SLC25A12: variants seen among roughly 807,000 people sequenced by gnomAD.
The protein encoded by SLC25A12 is electrogenic aspartate/glutamate antiporter SLC25A12, mitochondrial.
A neutral mutation model predicts 83.3 loss-of-function variants in SLC25A12; 32 were observed. The observed-to-expected ratio is 0.38, with a 90% CI of 0.29 to 0.52. SLC25A12 has a LOEUF of 0.52. Among genes scored for constraint, SLC25A12 ranks in the 20% least tolerant of loss-of-function variants. The pLI is 0.84. For synonymous variants in SLC25A12, 267 were observed against 291.1 expected, an observed-to-expected ratio of 0.92 and a Z score of 0.84; for missense variants, 611 against 835.6, an observed-to-expected ratio of 0.73 and a Z score of 3.31.
At chr2:171,857,483 A>G (rs1444155792) in intron 3 of SLC25A12, among the ~76,000 whole-genome samples, 2 of 152,142 alleles carry the variant, frequency 1.3e-5, no homozygotes, top group Non-Finnish European at 2.9e-5. Context: ...TCAGGAGTTC[A>G]AGAGCAGCTT....
At chr2:171,787,313 T>C (rs867626090) in intron 17 of SLC25A12, among the ~76,000 whole-genome samples, 1 of 152,136 alleles carries the variant, frequency 6.6e-6, no homozygotes, top group African/African-American at 2.4e-5. Context: ...CAACAGAGGA[T>C]ATCCTGTCTT....
intron 2 of SLC25A12, among the ~76,000 whole-genome samples, chr2:171,889,404 A>C (rs1685886241): frequency 1.3e-5 from 2 of 152,096 alleles, no homozygotes; most frequent in Non-Finnish European, 1.5e-5. Context: ...CTTGCTTTTC[A>C]TTTCCCCAGC....
chr2:171,788,433 C>G (rs1025362914), intron 15 of SLC25A12: 23 of 172,750 alleles, frequency 1.3e-4, no homozygotes, highest in Non-Finnish European at 1.4e-4. Flanking sequence ...TAATCACTCG[C>G]TTGTTTGAAG....
intron 2 of SLC25A12, among the ~76,000 whole-genome samples, chr2:171,876,550 G>GC (rs1558941972): frequency 3.5e-5 from 5 of 141,844 alleles, no homozygotes; most frequent in Non-Finnish European, 7.8e-5. Context: ...TTTTGGGGGG[G>GC]GGGGGACTCA....
At chr2:171,853,053 C>G (rs367612318) in intron 4 of SLC25A12, among the ~76,000 whole-genome samples, 2 of 152,148 alleles carry the variant, frequency 1.3e-5, no homozygotes, top group South Asian at 4.1e-4. Context: ...GACTGGGTAT[C>G]ACTATGTTGT....
intron 13 of SLC25A12, among the ~76,000 whole-genome samples, chr2:171,807,447 T>C (rs1683857136): frequency 6.6e-6 from 1 of 152,202 alleles, no homozygotes; most frequent in Non-Finnish European, 1.5e-5. Flanking sequence ...GTTTAACCAC[T>C]TAGGTCACAT....
At chr2:171,787,701 G>A in intron 16 of SLC25A12, 40 bp from the exon 17 acceptor site, 1 of 1,609,030 alleles carries the variant, frequency 6.2e-7, no homozygotes, top group Middle Eastern at 1.7e-4. Flanking sequence ...CTTGAAACCA[G>A]GACAAATGTG....
intron 3 of SLC25A12, among the ~76,000 whole-genome samples, chr2:171,860,778 T>C (rs1478792307): frequency 6.6e-6 from 1 of 151,680 alleles, no homozygotes; most frequent in Non-Finnish European, 1.5e-5. Flanking sequence ...GCAAGAATAG[T>C]CAGATGTTAA....
chr2:171,785,574 A>G, intron 17 of SLC25A12, 99 bp from the exon 18 acceptor site: 1 of 1,055,796 alleles, frequency 9.5e-7, no homozygotes, highest in South Asian at 1.3e-5. Flanking sequence ...CACAAAGAAG[A>G]ATGTTTCTCT....
At position 171,857,494 on chromosome 2, in the gene SLC25A12, A is replaced by G. The variant is rs181104812; in HGVS notation, c.210-1545T>C. On this transcript the variant is annotated intron_variant, in intron 3 of 17. Coordinates refer to ENST00000422440, the MANE Select transcript of SLC25A12 (RefSeq NM_003705.5). ...GAGCTCAGGAGTTCAAGAGCAGCTT[A>G]GGCAATATGGTGAAACCCCATCTCT... Among the ~76,000 whole-genome samples the G allele has an allele frequency of 7.2e-5, 11 of 152,236 alleles. No homozygotes were observed. In the East Asian group the frequency reaches 2.1e-3, roughly 29 times the overall value.
chr2:171,875,088 C>G lies in SLC25A12; in HGVS notation c.67-6265G>C, dbSNP rs148985226. ...CCTCTGATTGGTTGCTTTCCGCAACCAATCAGATGTTTGTACGGGAGTGTG... is the reference window on the plus strand; with the variant it reads ...CCTCTGATTGGTTGCTTTCCGCAACGAATCAGATGTTTGTACGGGAGTGTG... On this transcript the variant is annotated intron_variant, in intron 2 of 17. Transcript: ENST00000422440. 3.5e-4 allele frequency among the ~76,000 whole-genome samples: 54 copies of G among 152,208 alleles called. 1 individual carries two copies. In the East Asian group the frequency reaches 0.01, roughly 29 times the overall value.
chr2:171,824,665 C>A lies in SLC25A12; in HGVS notation c.930+2133G>T, dbSNP rs1204330946. ...AAGAGCTCTTTAAATATTTCAATGT[C>A]TCTTAATTTTATTAAAAATTTTTCA... is the stretch of plus-strand genomic sequence containing the variant. On this transcript the variant is annotated intron_variant, in intron 9 of 17. Transcript: ENST00000422440. Among the ~76,000 whole-genome samples the A allele has an allele frequency of 2.7e-5, 4 of 148,904 alleles. No homozygotes were observed. The East Asian group carries it at 8.5e-4, about 32-fold the overall frequency.
At chr2:171,862,515 T>C (rs1203453337) in intron 3 of SLC25A12, among the ~76,000 whole-genome samples, 2 of 152,158 alleles carry the variant, frequency 1.3e-5, no homozygotes, top group Non-Finnish European at 2.9e-5. Context: ...CTCCTACTTA[T>C]TTTACTATCT....
rs113376940 is a variant in SLC25A12 at position 171,848,059 on chromosome 2, A to G, written c.326-3551T>C. The G allele has an allele frequency of 7.0e-3, 2,735 of 392,196 alleles. 25 individuals carry two copies. The highest frequency in any genetic ancestry group is 0.011 in the Non-Finnish European group (1,990 of 189,168). The allele number at this position is 392,196 out of a possible 1,614,324, so 24.3% of individuals were successfully genotyped here. On this transcript the variant is annotated intron_variant, in intron 4 of 17. Coordinates refer to ENST00000422440, the MANE Select transcript of SLC25A12 (RefSeq NM_003705.5). ...GTAAATATGTCTTAACAGAGGTTTTAATTTCCCCAGAAACCCATACTGTGT... is the reference window on the plus strand; with the variant it reads ...GTAAATATGTCTTAACAGAGGTTTTGATTTCCCCAGAAACCCATACTGTGT...
chr2:171,810,376 C>G (rs1389681930), intron 11 of SLC25A12, 100 bp from the exon 12 acceptor site: 1 of 934,530 alleles, frequency 1.1e-6, no homozygotes, highest in African/African-American at 1.6e-5. Flanking sequence ...ACCCATCAAA[C>G]ATTGCAGAGT....
chr2:171,869,356 A>G (rs1000019774), intron 2 of SLC25A12, among the ~76,000 whole-genome samples: 4 of 152,216 alleles, frequency 2.6e-5, no homozygotes, highest in Admixed American at 6.5e-5. Flanking sequence ...TCTCAATTAA[A>G]AATACATATA....
At chr2:171,822,642 C>T (rs1042786199) in intron 9 of SLC25A12, among the ~76,000 whole-genome samples, 2 of 152,132 alleles carry the variant, frequency 1.3e-5, no homozygotes, top group African/African-American at 2.4e-5. Flanking sequence ...CCGCCTTGGC[C>T]TCTCAAAGTG....
chr2:171,825,149 T>C (rs1684275294), intron 9 of SLC25A12, among the ~76,000 whole-genome samples: 2 of 152,196 alleles, frequency 1.3e-5, no homozygotes, highest in African/African-American at 2.4e-5. Flanking sequence ...AGAGTTTTTC[T>C]GATACAAAAG....
In SLC25A12 at chr2:171,783,529, C is replaced by T. The variant is rs1690433308; in HGVS notation, c.*1745G>A. Reference sequence around the variant, plus strand: ...CCTGTTTCTAAAATATAAATATGTACATATATTTCTATAGAGTTATGAAAA... The same window carrying T: ...CCTGTTTCTAAAATATAAATATGTATATATATTTCTATAGAGTTATGAAAA... On this transcript the variant is annotated 3_prime_UTR_variant, in exon 18 of 18. Transcript: ENST00000422440. Among the ~76,000 whole-genome samples, 1 of 152,064 alleles carries T rather than the reference C, an allele frequency of 6.6e-6. No homozygotes were observed. Among genetic ancestry groups the T allele is most frequent in the Non-Finnish European group, 1.5e-5 (1 of 68,022 alleles).
Sources: allele counts gnomAD v4.1 joint callset (sites outside exome capture counted in the v4.1 genomes callset), GRCh38; gene constraint gnomAD v4.1.1; transcripts MANE v1.5; gene names NCBI Gene and HGNC (gene_info 2026-07-23, HGNC 2026-07-21).